SGCG: variants seen among roughly 807,000 people sequenced by gnomAD.
SGCG encodes the protein sarcoglycan gamma.
SGCG carries 26 observed loss-of-function variants against 29.3 expected under a neutral mutation model. That is an observed-to-expected ratio of 0.89 (90% CI 0.65 to 1.23). The LOEUF (loss-of-function observed/expected upper bound fraction) is 1.23, where lower values mean the gene tolerates loss of function less well. SGCG is among the 50% of genes most tolerant of loss of function. The pLI, the probability that SGCG is intolerant of heterozygous loss-of-function variation, is 0.00. For synonymous variants in SGCG, 145 were observed against 129.7 expected, an observed-to-expected ratio of 1.12 and a Z score of -0.80; for missense variants, 353 against 356.0, an observed-to-expected ratio of 0.99 and a Z score of 0.07.
At chr13:23,270,120 C>A (rs1054299287) in intron 4 of SGCG, among the ~76,000 whole-genome samples, 1 of 152,024 alleles carries the variant, frequency 6.6e-6, no homozygotes, top group East Asian at 1.9e-4. Flanking sequence ...GTGATCCACC[C>A]GCCTCGGCCT....
intron 3 of SGCG, chr13:23,244,573 G>T (rs1046898477): frequency 6.6e-6 from 1 of 152,160 alleles, no homozygotes; most frequent in Admixed American, 6.5e-5. Flanking sequence ...TTTACCTTGT[G>T]AACTGCCTTG....
chr13:23,309,368 A>T (rs1185458469), intron 6 of SGCG, among the ~76,000 whole-genome samples: 1 of 152,234 alleles, frequency 6.6e-6, no homozygotes, highest in Admixed American at 6.5e-5. Context: ...CAGCCTCCCA[A>T]GTAGCTGGAA....
rs570959775 is a variant in SGCG at position 23,296,351 on chromosome 13, C to T, written c.578+864C>T. Among the ~76,000 whole-genome samples the T allele has an allele frequency of 2.0e-5, 3 of 152,244 alleles. No homozygotes were observed. The South Asian group carries it at 6.2e-4, about 32-fold the overall frequency. On this transcript the variant is annotated intron_variant, in intron 6 of 7. Coordinates refer to ENST00000218867, the MANE Select transcript of SGCG (RefSeq NM_000231.3). ...GTAGTGAAAATAACATTATAAAAAC[C>T]AAGTGCACAATAAATCCATATTTGC...
chr13:23,294,055 G>C (rs372151032), intron 5 of SGCG, among the ~76,000 whole-genome samples: 1 of 152,106 alleles, frequency 6.6e-6, no homozygotes. Context: ...ATGGCAAGTC[G>C]GGGACCCTCT....
At chr13:23,290,329 A>G (rs1224393323) in intron 5 of SGCG, among the ~76,000 whole-genome samples, 2 of 152,170 alleles carry the variant, frequency 1.3e-5, no homozygotes, top group Non-Finnish European at 2.9e-5. Context: ...TCATCAACCA[A>G]CTGAGCTCCA....
chr13:23,170,218 T>G, the SGCG span, among the ~76,000 whole-genome samples: 1 of 152,184 alleles, frequency 6.6e-6, no homozygotes, highest in African/African-American at 2.4e-5. Context: ...TCAAACAGCT[T>G]TATTTCTTTC....
chr13:23,233,385 C>T lies in SGCG; in HGVS notation c.196-1226C>T, dbSNP rs376485326. On this transcript the variant is annotated intron_variant, in intron 2 of 7. Transcript: ENST00000218867. ...ATAATCAAATTCATAGAGACAGAAACGCTATAAGATTTGACCTTATAGCCA... is the reference window on the plus strand; with the variant it reads ...ATAATCAAATTCATAGAGACAGAAATGCTATAAGATTTGACCTTATAGCCA... 9.2e-5 allele frequency among the ~76,000 whole-genome samples: 14 copies of T among 152,200 alleles called. No individual in the cohort carries two copies. The South Asian group carries it at 1.2e-3, about 14-fold the overall frequency.
intron 4 of SGCG, among the ~76,000 whole-genome samples, chr13:23,272,436 T>A (rs1880907456): frequency 6.6e-6 from 1 of 152,228 alleles, no homozygotes; most frequent in African/African-American, 2.4e-5. Flanking sequence ...TTAGATTAAT[T>A]AGTATGATGT....
intron 4 of SGCG, among the ~76,000 whole-genome samples, chr13:23,274,778 G>A (rs182467773): frequency 6.6e-6 from 1 of 152,016 alleles, no homozygotes; most frequent in African/African-American, 2.4e-5. Context: ...ATGACCTTTT[G>A]GGAAACTGAT....
At chr13:23,161,038 C>A in the SGCG span, among the ~76,000 whole-genome samples, 23 of 152,008 alleles carry the variant, frequency 1.5e-4, no homozygotes, top group Non-Finnish European at 2.5e-4. Flanking sequence ...AAAACTTTGC[C>A]CTGGGTTGCT....
chr13:23,287,902 A>T (rs1335216409), intron 5 of SGCG, among the ~76,000 whole-genome samples: 1 of 152,004 alleles, frequency 6.6e-6, no homozygotes, highest in Non-Finnish European at 1.5e-5. Flanking sequence ...ATACAGGCTC[A>T]TGTCACCACG....
chr13:23,300,591 GACCTGCA>G (rs1362146132), intron 6 of SGCG, among the ~76,000 whole-genome samples: 1 of 152,138 alleles, frequency 6.6e-6, no homozygotes, highest in East Asian at 1.9e-4. Context: ...AAGAAATCAT[GACCTGCA>G]AGCCGTTGCC....
the SGCG span, among the ~76,000 whole-genome samples, chr13:23,170,892 G>A: frequency 6.6e-6 from 1 of 152,180 alleles, no homozygotes; most frequent in African/African-American, 2.4e-5. Flanking sequence ...CCTGTGTGTG[G>A]TCAAGCCTAA....
In SGCG at chr13:23,235,583, C is replaced by T. The variant is rs368997942; in HGVS notation, c.297+871C>T. Among the ~76,000 whole-genome samples, 501 of 152,236 alleles carry T rather than the reference C, an allele frequency of 3.3e-3. 3 individuals are homozygous for T. Among genetic ancestry groups the T allele is most frequent in the African/African-American group, 0.011 (470 of 41,540 alleles). On this transcript the variant is annotated intron_variant, in intron 3 of 7. Transcript: ENST00000218867. ...GACAGCCAAGAATAAAGTGCAAATA[C>T]GTTCAAACAATGTTGGCAATATGTT...
chr13:23,164,355 C>T, the SGCG span, among the ~76,000 whole-genome samples: 5 of 152,288 alleles, frequency 3.3e-5, no homozygotes, highest in East Asian at 9.7e-4. Flanking sequence ...TGATGGAACT[C>T]CTACTTTAAG....
chr13:23,190,604 G>A (rs61948473), intron 1 of SGCG, among the ~76,000 whole-genome samples: 92,084 of 151,606 alleles, frequency 0.61, 28,913 homozygotes, highest in African/African-American at 0.78. Flanking sequence ...ATGTCCGGCC[G>A]TAATAAAATG....
At chr13:23,170,482 C>T in the SGCG span, 6 of 152,238 alleles carry the variant, frequency 3.9e-5, no homozygotes, top group South Asian at 2.1e-4. Flanking sequence ...ATGATAAAGA[C>T]GTGAGCTTGT....
At chr13:23,241,249 T>A in intron 3 of SGCG, among the ~76,000 whole-genome samples, 1 of 147,922 alleles carries the variant, frequency 6.8e-6, no homozygotes. Flanking sequence ...AGACAGAAGA[T>A]CCAAACAAAT....
chr13:23,264,600 A>G (rs774801203), intron 4 of SGCG, among the ~76,000 whole-genome samples: 7 of 152,210 alleles, frequency 4.6e-5, no homozygotes, highest in Non-Finnish European at 8.8e-5. Flanking sequence ...CGGAACCAAA[A>G]AAGTGCCTGA....
Sources: gnomAD v4.1 joint callset for allele counts (sites outside exome capture counted in the v4.1 genomes callset) on GRCh38, gnomAD v4.1.1 for gene constraint, MANE v1.5 for transcripts, NCBI Gene and HGNC (gene_info 2026-07-23, HGNC 2026-07-21) for gene names.